The following AVEN variants were observed in gnomAD, a reference collection of about 807,000 sequenced individuals.
The protein encoded by AVEN is cell death regulator Aven.
A neutral mutation model predicts 38.1 loss-of-function variants in AVEN; 41 were observed. The ratio of observed to expected loss-of-function variants is 1.08; its 90% CI spans 0.84 to 1.40. AVEN has a LOEUF of 1.40. Among genes scored for constraint, AVEN ranks in the 40% most tolerant of loss-of-function variants. The pLI is 0.00. For missense variants in AVEN, 605 were observed against 438.8 expected, an observed-to-expected ratio of 1.38 and a Z score of -3.38; for synonymous variants, 206 against 171.8, an observed-to-expected ratio of 1.20 and a Z score of -1.56.
At chr15:33,995,326 TAAA>T (rs891189177) in intron 2 of AVEN, among the ~76,000 whole-genome samples, 2 of 152,068 alleles carry the variant, frequency 1.3e-5, no homozygotes, top group Non-Finnish European at 2.9e-5. Flanking sequence ...AAAATACAAA[TAAA>T]AAATAATACA....
Position 33,893,935 on chromosome 15 carries a change from C to G in AVEN, c.446-17940G>C, listed in dbSNP as rs189662979. On this transcript the variant is annotated intron_variant, in intron 2 of 5. Coordinates refer to ENST00000306730, the MANE Select transcript of AVEN (RefSeq NM_020371.3). ...AACAGAAAAGAATGAGAAGGAGGAG[C>G]AACCTTGATGCCAAGATTTTTTTTT... Among the ~76,000 whole-genome samples the G allele has an allele frequency of 2.8e-3, 419 of 148,996 alleles. 3 individuals are homozygous for G. The highest frequency in any genetic ancestry group is 9.9e-3 in the African/African-American group (402 of 40,592).
At chr15:33,906,841 C>T (rs1013040584) in intron 2 of AVEN, among the ~76,000 whole-genome samples, 1 of 152,074 alleles carries the variant, frequency 6.6e-6, no homozygotes, top group Non-Finnish European at 1.5e-5. Flanking sequence ...AGTGTGAATA[C>T]ACCTAATACC....
rs566862742 is a variant in AVEN, at chr15:33,909,088, A to G, written c.446-33093T>C. On this transcript the variant is annotated intron_variant, in intron 2 of 5. Coordinates refer to ENST00000306730, the MANE Select transcript of AVEN (RefSeq NM_020371.3). The stretch of plus-strand genomic sequence containing the variant: ...GTCCCTCAAACATCTCCCCAAGTAC[A>G]AGTTGGTTTTTGTTTTGTTTTGGTG... Among the ~76,000 whole-genome samples the G allele has an allele frequency of 2.0e-5, 3 of 152,250 alleles. No individual in the cohort carries two copies. In the South Asian group the frequency reaches 6.2e-4, roughly 32 times the overall value.
intron 1 of AVEN, among the ~76,000 whole-genome samples, chr15:34,006,749 A>G (rs1201851340): frequency 1.3e-5 from 2 of 151,878 alleles, no homozygotes; most frequent in Non-Finnish European, 1.5e-5. Context: ...GCAGAGACAG[A>G]GTTGTCATTA....
chr15:34,012,734 G>A (rs967010186), intron 1 of AVEN, among the ~76,000 whole-genome samples: 1 of 152,074 alleles, frequency 6.6e-6, no homozygotes. Context: ...CTCTCAAGTC[G>A]CCAGAGGAAG....
chr15:34,058,034 A>C (rs1223671351), intron 5 of AVEN, among the ~76,000 whole-genome samples: 2 of 152,172 alleles, frequency 1.3e-5, no homozygotes, highest in Non-Finnish European at 2.9e-5. Flanking sequence ...GCAAGCTGGA[A>C]AATCCAGCAG....
intron 2 of AVEN, among the ~76,000 whole-genome samples, chr15:33,983,209 TATATAC>T (rs1170206937): frequency 9.7e-5 from 4 of 41,036 alleles, no homozygotes; most frequent in East Asian, 1.2e-3. Flanking sequence ...TGTATATATA[TATATAC>T]ATATATATAC....
At chr15:33,961,539 TGA>T (rs1567434998) in intron 2 of AVEN, among the ~76,000 whole-genome samples, 11 of 151,916 alleles carry the variant, frequency 7.2e-5, no homozygotes, top group African/African-American at 1.9e-4. Flanking sequence ...CTGCACTGGG[TGA>T]GGTGGCTCAT....
At position 33,917,060 on chromosome 15, in the gene AVEN, C is replaced by T. The variant is rs188480968; in HGVS notation, c.446-41065G>A. ...AGATTAGCTCCCACTGGGTCTCTCCCACAACCCACAACACATGGGGCTTAT... is the reference window on the plus strand; with the variant it reads ...AGATTAGCTCCCACTGGGTCTCTCCTACAACCCACAACACATGGGGCTTAT... On this transcript the variant is annotated intron_variant, in intron 2 of 5. Transcript: ENST00000306730. Among the ~76,000 whole-genome samples, 123 of 152,192 alleles carry T rather than the reference C, an allele frequency of 8.1e-4. No homozygotes were observed. The East Asian group carries it at 0.021, about 26-fold the overall frequency.
chr15:34,004,076 G>C, intron 1 of AVEN, among the ~76,000 whole-genome samples: 1 of 152,000 alleles, frequency 6.6e-6, no homozygotes, highest in East Asian at 1.9e-4. Context: ...TGATTGTTCA[G>C]GTAGCGTCTG....
At chr15:33,970,044 A>G (rs535246493) in intron 2 of AVEN, among the ~76,000 whole-genome samples, 5 of 152,016 alleles carry the variant, frequency 3.3e-5, no homozygotes, top group Non-Finnish European at 7.4e-5. Context: ...AAAGCACCTT[A>G]TCATAAAGAA....
intron 2 of AVEN, among the ~76,000 whole-genome samples, chr15:33,967,289 C>T (rs1041804728): frequency 6.6e-6 from 1 of 152,030 alleles, no homozygotes; most frequent in African/African-American, 2.4e-5. Flanking sequence ...TGGATTCTCA[C>T]TCAGAAAAAA....
intron 1 of AVEN, among the ~76,000 whole-genome samples, chr15:34,021,499 G>T (rs1172177025): frequency 6.6e-6 from 1 of 151,964 alleles, no homozygotes; most frequent in Admixed American, 6.6e-5. Context: ...TGGTCAGGCT[G>T]GTCTGGAACT....
intron 2 of AVEN, among the ~76,000 whole-genome samples, chr15:33,882,394 A>G (rs915546079): frequency 6.6e-6 from 1 of 152,160 alleles, no homozygotes; most frequent in African/African-American, 2.4e-5. Flanking sequence ...TATTCCAGCA[A>G]CAATGCTGAA....
intron 1 of AVEN, among the ~76,000 whole-genome samples, chr15:34,037,929 T>G (rs1187694928): frequency 6.6e-6 from 1 of 152,184 alleles, no homozygotes; most frequent in Non-Finnish European, 1.5e-5. Context: ...ATAAAGATGG[T>G]CTTGTCCTAC....
chr15:33,905,780 A>G (rs2153044250), intron 2 of AVEN, among the ~76,000 whole-genome samples: 1 of 150,760 alleles, frequency 6.6e-6, no homozygotes, highest in South Asian at 2.1e-4. Flanking sequence ...AGACCGTGCC[A>G]TTGCACTCCA....
intron 2 of AVEN, among the ~76,000 whole-genome samples, chr15:33,947,401 G>A (rs997874665): frequency 6.6e-6 from 1 of 152,176 alleles, no homozygotes; most frequent in Non-Finnish European, 1.5e-5. Context: ...ACCATCATGA[G>A]AGACTGAAAG....
chr15:33,860,861 G>A (rs950818921), intron 11 of AVEN, among the ~76,000 whole-genome samples: 4 of 151,510 alleles, frequency 2.6e-5, no homozygotes, highest in Admixed American at 1.3e-4. Context: ...CCCACAATAG[G>A]AGGGAGCAGT....
intron 2 of AVEN, among the ~76,000 whole-genome samples, chr15:33,960,169 G>A (rs186542878): frequency 3.9e-5 from 6 of 152,224 alleles, no homozygotes; most frequent in South Asian, 2.1e-4. Flanking sequence ...CCAGATACAC[G>A]AACCTCTTTC....
Sources: gnomAD v4.1 joint callset for allele counts (sites outside exome capture counted in the v4.1 genomes callset) on GRCh38, gnomAD v4.1.1 for gene constraint, MANE v1.5 for transcripts, NCBI Gene and HGNC (gene_info 2026-07-23, HGNC 2026-07-21) for gene names.